The following THADA variants were observed in gnomAD, a reference collection of about 807,000 sequenced individuals.
THADA encodes the protein THADA armadillo repeat containing.
THADA carries 213 observed loss-of-function variants against 219.8 expected under a neutral mutation model. The ratio of observed to expected loss-of-function variants is 0.97; its 90% CI spans 0.87 to 1.09. The LOEUF (loss-of-function observed/expected upper bound fraction) is 1.09, where lower values mean the gene tolerates loss of function less well. THADA is among the 50% of genes least tolerant of loss of function. The pLI, the probability that THADA is intolerant of heterozygous loss-of-function variation, is 0.00. For missense variants in THADA, 2,956 were observed against 2,311.3 expected, an observed-to-expected ratio of 1.28 and a Z score of -5.72; for synonymous variants, 1,018 against 828.9, an observed-to-expected ratio of 1.23 and a Z score of -3.92.
At chr2:43,560,096 G>A (rs1178226861) in intron 16 of THADA, 138 bp downstream of exon 16, 1 of 661,908 alleles carries the variant, frequency 1.5e-6, no homozygotes. Context: ...GTAGAGAGGT[G>A]TTAATGATAA....
At chr2:43,542,011 G>GA (rs960832039) in intron 20 of THADA, among the ~76,000 whole-genome samples, 1 of 152,016 alleles carries the variant, frequency 6.6e-6, no homozygotes, top group Non-Finnish European at 1.5e-5. Flanking sequence ...AAAATCAAAG[G>GA]AAAATACAAA....
intron 29 of THADA, among the ~76,000 whole-genome samples, chr2:43,344,859 T>C (rs1016782646): frequency 1.3e-5 from 2 of 152,208 alleles, no homozygotes; most frequent in Non-Finnish European, 2.9e-5. Flanking sequence ...CTCGTGTATA[T>C]GCATGTATGC....
At chr2:43,549,173 T>C in intron 20 of THADA, 37 bp downstream of exon 20, 2 of 1,487,150 alleles carry the variant, frequency 1.3e-6, no homozygotes, top group Non-Finnish European at 1.8e-6. Flanking sequence ...ACTGGTTACT[T>C]AAACATGAAT....
intron 26 of THADA, among the ~76,000 whole-genome samples, chr2:43,470,756 C>T (rs1419776121): frequency 2.0e-5 from 3 of 152,126 alleles, no homozygotes; most frequent in African/African-American, 4.8e-5. Context: ...AAAAGTGAAA[C>T]AGATAGAGGC....
At chr2:43,333,451 TC>T in intron 30 of THADA, among the ~76,000 whole-genome samples, 1 of 150,664 alleles carries the variant, frequency 6.6e-6, no homozygotes, top group African/African-American at 2.4e-5. Context: ...AGTTACTACC[TC>T]TTCCATTTTT....
Position 43,586,742 on chromosome 2 carries a change from G to C in THADA, c.452-8C>G. On this transcript the variant is annotated splice_region_variant and splice_polypyrimidine_tract_variant and intron_variant, in intron 5 of 37. Coordinates refer to ENST00000405975, the MANE Select transcript of THADA (RefSeq NM_022065.5). ...TATTAACACTTGCTCTACCTGTAGA[G>C]GAAAAAATGAACACTGGTAAGGAGT... 1.2e-6 allele frequency: 2 copies of C among 1,611,886 alleles called. No homozygotes were observed. The highest frequency in any genetic ancestry group is 1.7e-6 in the Non-Finnish European group (2 of 1,179,408).
intron 31 of THADA, among the ~76,000 whole-genome samples, chr2:43,301,829 A>G (rs906174701): frequency 1.6e-4 from 24 of 152,172 alleles, no homozygotes; most frequent in Admixed American, 1.3e-3. Flanking sequence ...CACTGCAGGT[A>G]GAGTTCGTCA....
chr2:43,292,145 CT>C lies in THADA; in HGVS notation c.4895del (p.Lys1632ArgfsTer4). The stretch of plus-strand genomic sequence containing the variant: ...TATCCATCGTCCAGATCAAGAACTC[CT>C]TTGGGGTCAGATGGACACAGTGCTC... ...QTEHCVHLTP[K>X]EFLIWTMDIA... On this transcript the variant is annotated frameshift_variant, in exon 33 of 38. Transcript: ENST00000405975. LOFTEE classifies it high-confidence loss of function. 6.2e-7 allele frequency: 1 copy of C among 1,611,906 alleles called. No individual in the cohort carries two copies. The highest frequency in any genetic ancestry group is 1.3e-5 in the African/African-American group (1 of 75,002).
Position 43,297,281 on chromosome 2 carries a change from A to G in THADA, c.4439-4068T>C, listed in dbSNP as rs1224923040. Among the ~76,000 whole-genome samples the G allele has an allele frequency of 1.9e-3, 191 of 100,030 alleles. 2 individuals are homozygous for G. Among genetic ancestry groups the G allele is most frequent in the Admixed American group, 2.9e-3 (32 of 11,024 alleles). 65.6% of individuals were successfully genotyped at this position (100,030 alleles called of 152,430 possible). A position where few individuals can be genotyped will look rare whatever the true frequency, so the allele number is the denominator to read the frequency against. ...CTCTGCCCGGCCACCCCGTCTGAGAAGTGAGGAGACCCTCTGCCTGGCAAC... is the reference window on the plus strand; with the variant it reads ...CTCTGCCCGGCCACCCCGTCTGAGAGGTGAGGAGACCCTCTGCCTGGCAAC... On this transcript the variant is annotated intron_variant, in intron 31 of 37. Transcript: ENST00000405975.
At chr2:43,280,575 T>C (rs112981749) in intron 35 of THADA, among the ~76,000 whole-genome samples, 1 of 152,092 alleles carries the variant, frequency 6.6e-6, no homozygotes, top group Non-Finnish European at 1.5e-5. Context: ...GAGGTTGCAG[T>C]GAACTGAGAT....
intron 26 of THADA, among the ~76,000 whole-genome samples, chr2:43,435,781 CAA>C (rs542080356): frequency 2.0e-4 from 11 of 53,794 alleles, no homozygotes; most frequent in Admixed American, 3.9e-4. Flanking sequence ...AACTTGCCAC[CAA>C]AAAAAAAAAA....
chr2:43,323,246 A>G (rs1300757590), intron 30 of THADA, among the ~76,000 whole-genome samples: 1 of 151,884 alleles, frequency 6.6e-6, no homozygotes, highest in Non-Finnish European at 1.5e-5. Flanking sequence ...GGCTCAAGCA[A>G]TCCTCCCACC....
rs1222506798 is a variant in THADA, at chr2:43,495,944, T to A, written c.3744+2889A>T. On this transcript the variant is annotated intron_variant, in intron 25 of 37. Transcript: ENST00000405975. ...ATGCTCTTAGACAGAATTCCAGAAGTGTGTATCTCTTACAGGAAGACGCAC... is the reference window on the plus strand; with the variant it reads ...ATGCTCTTAGACAGAATTCCAGAAGAGTGTATCTCTTACAGGAAGACGCAC... 1.3e-5 allele frequency among the ~76,000 whole-genome samples: 2 copies of A among 152,294 alleles called. 1 individual carries two copies. The highest frequency in any genetic ancestry group is 1.3e-4 in the Admixed American group (2 of 15,294).
chr2:43,287,378 T>C (rs1674159598), intron 34 of THADA, among the ~76,000 whole-genome samples: 1 of 152,150 alleles, frequency 6.6e-6, no homozygotes, highest in African/African-American at 2.4e-5. Flanking sequence ...CACTGCAACC[T>C]CTGCCTCCTG....
At chr2:43,520,427 C>T (rs528017650) in intron 22 of THADA, among the ~76,000 whole-genome samples, 61 of 152,148 alleles carry the variant, frequency 4.0e-4, no homozygotes, top group Non-Finnish European at 8.1e-4. Flanking sequence ...GTGGCTCATG[C>T]TTGTAATCCC....
In THADA at chr2:43,566,740, T is replaced by C; in HGVS notation, c.2269A>G (p.Thr757Ala). Residue 757 changes from threonine to alanine, a missense_variant, in exon 15 of 38, where the codon ACC becomes GCC. Physicochemically the swap from Thr to Ala is moderately conservative, Grantham distance 58 (BLOSUM62 0). Coordinates refer to ENST00000405975, the MANE Select transcript of THADA (RefSeq NM_022065.5). Reference protein sequence around the residue: ...SSYSTRFSALTILGSIAEVFH... With the variant: ...SSYSTRFSALAILGSIAEVFH... ...ACTTCAGCTATTGAACCTAAAATGG[T>C]TAAAGCTGAAAATCTAGTCGAGTAG... 1 of 1,593,674 alleles carries C rather than the reference T, an allele frequency of 6.3e-7. No homozygotes were observed. The highest frequency in any genetic ancestry group is 1.4e-5 in the African/African-American group (1 of 73,628).
chr2:43,362,050 A>G (rs1669581843), intron 29 of THADA, among the ~76,000 whole-genome samples: 1 of 152,236 alleles, frequency 6.6e-6, no homozygotes, highest in Non-Finnish European at 1.5e-5. Context: ...AGGCTAAGAA[A>G]GCACATTCTT....
chr2:43,324,885 A>T (rs919684745), intron 30 of THADA, among the ~76,000 whole-genome samples: 1 of 152,060 alleles, frequency 6.6e-6, no homozygotes, highest in East Asian at 1.9e-4. Context: ...TATAGTGCTC[A>T]AAAAAAATCA....
At chr2:43,252,208 T>C (rs778103268) in intron 36 of THADA, among the ~76,000 whole-genome samples, 14 of 152,184 alleles carry the variant, frequency 9.2e-5, no homozygotes, top group Non-Finnish European at 1.6e-4. Flanking sequence ...TCACCATTTT[T>C]CAACCTCTTC....
Sources: gnomAD v4.1 joint callset for allele counts (sites outside exome capture counted in the v4.1 genomes callset) on GRCh38, gnomAD v4.1.1 for gene constraint, MANE v1.5 for transcripts, NCBI Gene and HGNC (gene_info 2026-07-23, HGNC 2026-07-21) for gene names.